Variants in HGSNAT observed in about 807,000 individuals in gnomAD.
HGSNAT encodes transmembrane protein 76.
Under a neutral mutation model 85.2 loss-of-function variants are expected in HGSNAT, and 59 were observed. The observed-to-expected ratio is 0.69, with a 90% CI of 0.56 to 0.86. HGSNAT has a LOEUF of 0.86. Ranked by LOEUF, HGSNAT falls within the 40% of genes least tolerant of loss-of-function variation. The pLI is 0.00. For synonymous variants in HGSNAT, 321 were observed against 304.5 expected (o/e 1.05, Z -0.56); for missense variants, 756 against 777.1 (o/e 0.97, Z 0.32).
Position 43,196,880 on chromosome 8 carries a change from G to C in HGSNAT, c.1465-68G>C, listed in dbSNP as rs1804743821. On this transcript the variant is annotated intron_variant, in intron 14 of 17. Transcript: ENST00000379644. ...ATCTCTTTGTCAGGTAGTTAAGACA[G>C]TGGATTAATATGAAATAAAAATATC... The C allele has an allele frequency of 5.2e-6, 5 of 961,004 alleles. No homozygotes were observed. In the African/African-American group the frequency reaches 6.4e-5, roughly 12 times the overall value. 59.5% of individuals were successfully genotyped at this position (961,004 alleles called of 1,614,324 possible). A position where few individuals can be genotyped will look rare whatever the true frequency, so the allele number is the denominator to read the frequency against.
chr8:43,141,262 G>T (rs1414801190), intron 1 of HGSNAT, among the ~76,000 whole-genome samples: 2 of 152,156 alleles, frequency 1.3e-5, no homozygotes, highest in African/African-American at 2.4e-5. Flanking sequence ...TCCCCTCGGC[G>T]CGTTTTCCCT....
At chr8:43,151,747 A>C (rs1375094925) in intron 2 of HGSNAT, among the ~76,000 whole-genome samples, 1 of 152,220 alleles carries the variant, frequency 6.6e-6, no homozygotes, top group Non-Finnish European at 1.5e-5. Context: ...AATGTTCATA[A>C]TAATAAAGAC....
At chr8:43,183,507 G>C (rs1322864360) in intron 11 of HGSNAT, among the ~76,000 whole-genome samples, 2 of 148,060 alleles carry the variant, frequency 1.4e-5, no homozygotes, top group African/African-American at 5.0e-5. Context: ...GTCTTGCTCT[G>C]TCCGCCAGGC....
chr8:43,195,603 G>A (rs1365924427), intron 14 of HGSNAT, among the ~76,000 whole-genome samples: 1 of 146,806 alleles, frequency 6.8e-6, no homozygotes, highest in Non-Finnish European at 1.5e-5. Flanking sequence ...GGAGGAAGAA[G>A]AGAAGGAGGG....
rs1310195533 is a variant in HGSNAT, at chr8:43,158,688, C to A, written c.348C>A (p.Thr116=). 6.2e-7 allele frequency: 1 copy of A among 1,606,566 alleles called. No individual in the cohort carries two copies. The highest frequency in any genetic ancestry group is 8.5e-7 in the Non-Finnish European group (1 of 1,176,212). The change falls in exon 3 of 18, where the codon ACC becomes ACA. Residue 116 remains threonine, a synonymous_variant. Transcript: ENST00000379644. ...QHGSILQLND[T]LEEKEVCRLE... is the part of the protein sequence containing the mutation. ...GATCTATCCTGCAGCTGAACGACACCTTGGAAGAGAAAGAAGTTTGTAGGT... is the reference window on the plus strand; with the variant it reads ...GATCTATCCTGCAGCTGAACGACACATTGGAAGAGAAAGAAGTTTGTAGGT...
intron 9 of HGSNAT, among the ~76,000 whole-genome samples, chr8:43,176,780 T>A (rs577306783): frequency 4.1e-4 from 62 of 152,320 alleles, no homozygotes; most frequent in African/African-American, 1.4e-3. Context: ...TTAAGTTAAT[T>A]TTGAGGTACT....
chr8:43,173,420 C>T (rs1056193444), intron 8 of HGSNAT, among the ~76,000 whole-genome samples: 4 of 151,972 alleles, frequency 2.6e-5, no homozygotes, highest in Admixed American at 2.6e-4. Context: ...AGTGATTCTC[C>T]TGCCTCAGCC....
At position 43,191,447 on chromosome 8, in the gene HGSNAT, G is replaced by A. The variant is rs752787082; in HGVS notation, c.1129-27G>A. On this transcript the variant is annotated intron_variant, in intron 11 of 17. Coordinates refer to ENST00000379644, the MANE Select transcript of HGSNAT (RefSeq NM_152419.3). ...CCTTCTATTTGCATTTAGTTCACCC[G>A]TGTTTTATTTTTCTGCCCCCACTCA... 70 of 1,606,606 alleles carry A rather than the reference G, an allele frequency of 4.4e-5. 2 individuals are homozygous for A. The highest frequency in any genetic ancestry group is 1.5e-4 in the Admixed American group (9 of 59,890).
intron 4 of HGSNAT, among the ~76,000 whole-genome samples, chr8:43,160,758 G>A (rs1254965729): frequency 6.6e-6 from 1 of 152,168 alleles, no homozygotes; most frequent in African/African-American, 2.4e-5. Flanking sequence ...TCCTTCTCCG[G>A]TGCTGGATTT....
intron 7 of HGSNAT, among the ~76,000 whole-genome samples, chr8:43,171,481 C>G (rs1803624168): frequency 6.6e-6 from 1 of 152,098 alleles, no homozygotes; most frequent in South Asian, 2.1e-4. Context: ...GTGCCTGATT[C>G]ACATTAAAAG....
At chr8:43,171,009 G>C (rs1265475019) in intron 7 of HGSNAT, among the ~76,000 whole-genome samples, 2 of 152,146 alleles carry the variant, frequency 1.3e-5, no homozygotes, top group African/African-American at 2.4e-5. Context: ...TGTATCCCAT[G>C]TCCAGTCAGT....
intron 9 of HGSNAT, among the ~76,000 whole-genome samples, chr8:43,176,901 C>T (rs776218296): frequency 2.0e-5 from 3 of 152,116 alleles, no homozygotes; most frequent in Non-Finnish European, 4.4e-5. Flanking sequence ...GATTTGTATC[C>T]TGCAACTTTA....
chr8:43,181,126 A>G (rs1274679514), intron 10 of HGSNAT, among the ~76,000 whole-genome samples: 15 of 236 alleles, frequency 0.064, no homozygotes, highest in Admixed American at 0.17. Context: ...GGAGAGGGAG[A>G]GGGAGAGGGA....
At chr8:43,153,105 T>C (rs1300342372) in intron 2 of HGSNAT, among the ~76,000 whole-genome samples, 1 of 151,034 alleles carries the variant, frequency 6.6e-6, no homozygotes, top group Non-Finnish European at 1.5e-5. Flanking sequence ...AGACTTGCTG[T>C]ATTAGATAAG....
chr8:43,182,539 G>A, intron 11 of HGSNAT: 1 of 431,960 alleles, frequency 2.3e-6, no homozygotes, highest in Non-Finnish European at 4.3e-6. Flanking sequence ...AACATCCCAG[G>A]CTTAAGCGAT....
chr8:43,190,557 C>G (rs1007377555), intron 11 of HGSNAT, among the ~76,000 whole-genome samples: 1 of 152,128 alleles, frequency 6.6e-6, no homozygotes, highest in Admixed American at 6.5e-5. Flanking sequence ...GATATGAAAG[C>G]TGCTATTTTC....
chr8:43,195,782 G>A (rs972499350), intron 14 of HGSNAT: 20 of 160,992 alleles, frequency 1.2e-4, no homozygotes, highest in Admixed American at 3.2e-4. Flanking sequence ...AGAGGAGGAG[G>A]AGGGTGTGGA....
intron 16 of HGSNAT, 28 bp from the exon 17 acceptor site, chr8:43,197,812 A>G: frequency 6.2e-7 from 1 of 1,603,184 alleles, no homozygotes; most frequent in Admixed American, 1.7e-5. Context: ...CCGTACGAGC[A>G]CTGAAACGTC....
chr8:43,158,550 T>A, intron 2 of HGSNAT, 25 bp from the exon 3 acceptor site: 1 of 1,613,592 alleles, frequency 6.2e-7, no homozygotes, highest in Non-Finnish European at 8.5e-7. Flanking sequence ...CTCTGGCGGT[T>A]GACCTGTTGT....
Sources: gnomAD v4.1 joint callset for allele counts (sites outside exome capture counted in the v4.1 genomes callset) on GRCh38, gnomAD v4.1.1 for gene constraint, MANE v1.5 for transcripts, NCBI Gene and HGNC (gene_info 2026-07-23, HGNC 2026-07-21) for gene names.